The following SPTBN2 variants were observed in gnomAD, a reference collection of about 807,000 sequenced individuals.
SPTBN2 encodes the protein spectrin beta chain, non-erythrocytic 2.
SPTBN2 carries 107 observed loss-of-function variants against 284.2 expected under a neutral mutation model. The observed-to-expected ratio is 0.38, with a 90% CI of 0.32 to 0.44. The LOEUF (loss-of-function observed/expected upper bound fraction) is 0.44. SPTBN2 is among the 20% of genes least tolerant of loss of function. SPTBN2 has a pLI of 1.00. For synonymous variants in SPTBN2, 1,289 were observed against 1,354.8 expected, an observed-to-expected ratio of 0.95 and a Z score of 1.07; for missense variants, 2,569 against 3,287.1, an observed-to-expected ratio of 0.78 and a Z score of 5.34.
At position 66,707,627 on chromosome 11, in the gene SPTBN2, G is replaced by C; in HGVS notation, c.1542C>G (p.Asp514Glu). 1 of 1,610,480 alleles carries C rather than the reference G, an allele frequency of 6.2e-7. No individual in the cohort carries two copies. Among genetic ancestry groups the C allele is most frequent in the Non-Finnish European group, 8.5e-7 (1 of 1,179,990 alleles). The change falls in exon 13 of 38, where the codon GAC becomes GAG. Residue 514 changes from aspartate (D) to glutamate (E), a missense_variant. Asp to Glu is a conservative substitution (Grantham distance 45, BLOSUM62 2). Coordinates refer to ENST00000533211, the MANE Select transcript of SPTBN2 (RefSeq NM_006946.4). This position sits in a 1 kb window ranked among gnomAD's most constrained non-coding sequence, Gnocchi z 4.9. ...GGGCGGCCACCATCTGCCGCAAGAA[G>C]TCCCAGAGCCGTGCCACGTTGTGCT... The part of the protein sequence containing the change: ...ARQHNVARLW[D>E]FLRQMVAARR...
Position 66,693,101 on chromosome 11 carries a change from C to G in SPTBN2, c.4855-1G>C, listed in dbSNP as rs1324228206. On this transcript the variant is annotated splice_acceptor_variant, in intron 24 of 37. Coordinates refer to ENST00000533211, the MANE Select transcript of SPTBN2 (RefSeq NM_006946.4). LOFTEE classifies it high-confidence loss of function. The surrounding 1 kb of genome is among the most constrained non-coding windows in gnomAD (Gnocchi z 5.7). ...CCTCTGCCTGGGCACTCAGCTCATCCTGGGGGAAGGGACAGTGGCATCCAG... is the reference window on the plus strand; with the variant it reads ...CCTCTGCCTGGGCACTCAGCTCATCGTGGGGGAAGGGACAGTGGCATCCAG... 6.2e-7 allele frequency: 1 copy of G among 1,614,088 alleles called. No individual in the cohort carries two copies. Among genetic ancestry groups the G allele is most frequent in the African/African-American group, 1.3e-5 (1 of 74,942 alleles).
chr11:66,696,272 C>G lies in SPTBN2; in HGVS notation c.4278+5G>C, dbSNP rs2135382326. On this transcript the variant is annotated splice_donor_5th_base_variant and intron_variant, in intron 21 of 37. Transcript: ENST00000533211. ...CACCATCCCCATCAAAGGCCCACAG[C>G]ACACCTGCTGCTTCTTGAGCAGGAT... is the stretch of plus-strand genomic sequence containing the variant. 1 of 1,610,634 alleles carries G rather than the reference C, an allele frequency of 6.2e-7. No individual in the cohort carries two copies.
intron 36 of SPTBN2, 92 bp downstream of exon 36, chr11:66,686,902 A>C: frequency 1.3e-6 from 2 of 1,568,658 alleles, no homozygotes; most frequent in South Asian, 2.2e-5. Context: ...GGCTCCTTAC[A>C]GGAACTCCCC....
chr11:66,720,335 G>A (rs1028655609), intron 3 of SPTBN2, among the ~76,000 whole-genome samples: 3 of 152,230 alleles, frequency 2.0e-5, no homozygotes, highest in Non-Finnish European at 2.9e-5. Flanking sequence ...GAAGCCAGAC[G>A]GGGTAGGTGG....
chr11:66,722,619 G>A (rs1942468090), intron 1 of SPTBN2, among the ~76,000 whole-genome samples: 1 of 149,322 alleles, frequency 6.7e-6, no homozygotes, highest in Admixed American at 6.7e-5. Context: ...TTGGCTGGGG[G>A]CATTGGCTCA....
upstream of SPTBN2, among the ~76,000 whole-genome samples, chr11:66,732,957 C>A (rs1387618865): frequency 1.4e-5 from 2 of 141,952 alleles, no homozygotes; most frequent in Non-Finnish European, 3.0e-5. Context: ...CAGAGTGAGA[C>A]TCTTTTTCAA....
chr11:66,686,580 A>G, intron 36 of SPTBN2, 140 bp from the exon 37 acceptor site: 1 of 918,240 alleles, frequency 1.1e-6, no homozygotes, highest in Non-Finnish European at 1.8e-6. Context: ...CACGCTCTGC[A>G]CATTCTTCAG....
Position 66,685,781 on chromosome 11 carries a change from A to G in SPTBN2, c.*90T>C. The G allele has an allele frequency of 8.1e-7, 1 of 1,238,518 alleles. No homozygotes were observed. The highest frequency in any genetic ancestry group is 1.2e-5 in the South Asian group (1 of 82,328). The allele number at this position is 1,238,518 out of a possible 1,614,324, so 76.7% of individuals were successfully genotyped here. Reference sequence around the variant, plus strand: ...TTGGCAACAGACCCTAGCAGCAGGCAGTTGTCCTGACAAGAGGGCGGTCCC... The same window carrying G: ...TTGGCAACAGACCCTAGCAGCAGGCGGTTGTCCTGACAAGAGGGCGGTCCC... On this transcript the variant is annotated 3_prime_UTR_variant, in exon 38 of 38. Transcript: ENST00000533211. The surrounding 1 kb of genome is among the most constrained non-coding windows in gnomAD (Gnocchi z 4.4).
chr11:66,686,115 A>G lies in SPTBN2; in HGVS notation c.6940-11T>C, dbSNP rs551276248. On this transcript the variant is annotated splice_polypyrimidine_tract_variant and intron_variant, in intron 37 of 37. Transcript: ENST00000533211. ...CGAGCTCATCTCTGCCTGTGGATGG[A>G]AAGACCCTCAATCAGCTTCAAGGAC... is the stretch of plus-strand genomic sequence containing the variant. 136 of 1,609,440 alleles carry G rather than the reference A, an allele frequency of 8.5e-5. No individual in the cohort carries two copies. Among genetic ancestry groups the G allele is most frequent in the Admixed American group, 2.5e-4 (15 of 59,246 alleles).
intron 16 of SPTBN2, 84 bp from the exon 17 acceptor site, chr11:66,701,366 C>T: frequency 1.3e-6 from 2 of 1,556,996 alleles, no homozygotes; most frequent in African/African-American, 2.7e-5. Flanking sequence ...CTCTTGGTAG[C>T]TCCCCTTCAC....
chr11:66,716,340 G>T (rs568246552), intron 3 of SPTBN2, among the ~76,000 whole-genome samples: 1 of 151,978 alleles, frequency 6.6e-6, no homozygotes, highest in Non-Finnish European at 1.5e-5. Flanking sequence ...AAAATTAGCC[G>T]GGCATAGTGG....
Position 66,701,229 on chromosome 11 carries a change from G to A in SPTBN2, c.2870C>T (p.Ala957Val). The stretch of plus-strand genomic sequence containing the variant: ...TAAGTGGTAGTTCTGGATGCTCAGG[G>A]CTGAGGTGAGAGCTGCCTTCTTGCC... ...ADGKKAALTS[A>V]LSIQNYHLEC... The change falls in exon 17 of 38, where the codon GCC (alanine) becomes GTC (valine). Residue 957 changes from alanine to valine, a missense_variant. This residue lies in a region of SPTBN2 where 1,012 missense variants were observed against 1,248.9 expected (regional missense o/e 0.81). Transcript: ENST00000533211. The A allele has an allele frequency of 6.2e-7, 1 of 1,613,066 alleles. No individual in the cohort carries two copies.
In SPTBN2 at chr11:66,715,905, C is replaced by T. The variant is rs78309877; in HGVS notation, c.234G>A (p.Val78=). Residue 78 remains valine, a synonymous_variant, in exon 4 of 38, where the codon GTG becomes GTA. Transcript: ENST00000533211. This position sits in a 1 kb window ranked among gnomAD's most constrained non-coding sequence, Gnocchi z 5.3. ...CCCGGAGGTCGCTGTACAGGTCCCC[C>T]ACCCGGCACGTGACCCGGGCCAGGT... The part of the protein sequence containing the change: ...NSHLARVTCR[V]GDLYSDLRDG... 2.0e-3 allele frequency: 3,273 copies of T among 1,614,018 alleles called. 71 individuals are homozygous for T. In the African/African-American group the frequency reaches 0.037, roughly 18 times the overall value.
rs777976094 is a variant in SPTBN2, at chr11:66,707,759, A to G, written c.1410T>C (p.Ile470=). 2.5e-6 allele frequency: 4 copies of G among 1,608,400 alleles called. No homozygotes were observed. The highest frequency in any genetic ancestry group is 2.7e-5 in the African/African-American group (2 of 74,890). ...CGCTGTAGGCCACGATGTCCGTCTC[A>G]ATGGCTTCGTGCTTCCGTACTGCTG... ...VEAAVRKHEA[I]ETDIVAYSGR... The change falls in exon 13 of 38, where the codon ATT becomes ATC. Residue 470 remains isoleucine, a synonymous_variant. Transcript: ENST00000533211. This position sits in a 1 kb window ranked among gnomAD's most constrained non-coding sequence, Gnocchi z 4.9.
intron 1 of SPTBN2, among the ~76,000 whole-genome samples, chr11:66,743,513 G>A (rs1942917937): frequency 6.6e-6 from 1 of 152,180 alleles, no homozygotes; most frequent in Non-Finnish European, 1.5e-5. Flanking sequence ...TTGCCAGGCA[G>A]GAATCTCTCA....
In SPTBN2 at chr11:66,692,529, C is replaced by T. The variant is rs776939434; in HGVS notation, c.5190+7G>A. The T allele has an allele frequency of 6.2e-7, 1 of 1,601,248 alleles. No homozygotes were observed. Among genetic ancestry groups the T allele is most frequent in the South Asian group, 1.1e-5 (1 of 91,034 alleles). ...TGATCTGAGCTGGGTGCCCTCCCTACACTCACAGTCACATGCTCGTAGTCC... is the reference window on the plus strand; with the variant it reads ...TGATCTGAGCTGGGTGCCCTCCCTATACTCACAGTCACATGCTCGTAGTCC... On this transcript the variant is annotated splice_region_variant and intron_variant, in intron 26 of 37. Coordinates refer to ENST00000533211, the MANE Select transcript of SPTBN2 (RefSeq NM_006946.4).
At position 66,707,131 on chromosome 11, in the gene SPTBN2, G is replaced by C. The variant is rs1218965605; in HGVS notation, c.1653+385C>G. ...TCCAGGCCGAGGGCCTGTGCCGGCT[G>C]TTCCTTCTGCCCGGAACATTCTCTC... On this transcript the variant is annotated intron_variant, in intron 13 of 37. Transcript: ENST00000533211. The surrounding 1 kb of genome is among the most constrained non-coding windows in gnomAD (Gnocchi z 4.9). 2.0e-5 allele frequency among the ~76,000 whole-genome samples: 3 copies of C among 152,230 alleles called. No individual in the cohort carries two copies. The highest frequency in any genetic ancestry group is 2.9e-5 in the Non-Finnish European group (2 of 68,040).
Position 66,713,765 on chromosome 11 carries a change from C to T in SPTBN2, c.657-19G>A. ...GTCTGGCCTGGGTGGGGAGGCAAGA[C>T]AGAAGGGATCAGAAACATGTGAGAT... On this transcript the variant is annotated intron_variant, in intron 7 of 37. Coordinates refer to ENST00000533211, the MANE Select transcript of SPTBN2 (RefSeq NM_006946.4). The T allele has an allele frequency of 6.5e-7, 1 of 1,534,464 alleles. No individual in the cohort carries two copies. The highest frequency in any genetic ancestry group is 9.0e-7 in the Non-Finnish European group (1 of 1,107,708).
chr11:66,687,084 G>C lies in SPTBN2; in HGVS notation c.6806C>G (p.Pro2269Arg). 1 of 1,614,124 alleles carries C rather than the reference G, an allele frequency of 6.2e-7. No individual in the cohort carries two copies. The highest frequency in any genetic ancestry group is 8.5e-7 in the Non-Finnish European group (1 of 1,180,042). Residue 2269 changes from proline (P) to arginine (R), a missense_variant, in exon 36 of 38, where the codon CCA becomes CGA. Coordinates refer to ENST00000533211, the MANE Select transcript of SPTBN2 (RefSeq NM_006946.4). This position sits in a 1 kb window ranked among gnomAD's most constrained non-coding sequence, Gnocchi z 5.2. ...GCTGACAGGCACTTCTCCGTGGTAT[G>C]GCACTCCCGCGCTGGCTGCCTTGGC... ...KDAKAASAGV[P>R]YHGEVPVSLA... is the part of the protein sequence containing the mutation.
Sources: gnomAD v4.1 joint callset for allele counts (sites outside exome capture counted in the v4.1 genomes callset) on GRCh38, gnomAD v4.1.1 for gene constraint, gnomAD v4.1.1 regional missense constraint, Gnocchi (gnomAD v3.1) non-coding constraint, MANE v1.5 for transcripts, NCBI Gene and HGNC (gene_info 2026-07-23, HGNC 2026-07-21) for gene names.